The following FRMD5 variants were observed in gnomAD, a reference collection of about 807,000 sequenced individuals.
FRMD5 encodes FERM domain-containing protein 5.
A neutral mutation model predicts 69.0 loss-of-function variants in FRMD5; 20 were observed. The observed-to-expected ratio is 0.29, with a 90% CI of 0.20 to 0.42. The LOEUF (loss-of-function observed/expected upper bound fraction) is 0.42. Ranked by LOEUF, FRMD5 falls within the 10% of genes least tolerant of loss-of-function variation. The probability of loss-of-function intolerance (pLI) is 1.00; values close to 1 mark genes in which losing one functional copy is unlikely to be tolerated. For missense variants in FRMD5, 595 were observed against 708.6 expected (o/e 0.84, Z 1.82); for synonymous variants, 271 against 260.1 (o/e 1.04, Z -0.40).
rs114389527 is a variant in FRMD5 at position 44,181,310 on chromosome 15, T to A, written c.102+13643A>T. ...CTTCCCGCCTCAGCCTCCCAAAGTG[T>A]TGGAGGCATGAGCTACTGTGCCCAT... On this transcript the variant is annotated intron_variant, in intron 1 of 13. Transcript: ENST00000417257. 5.7e-3 allele frequency among the ~76,000 whole-genome samples: 862 copies of A among 152,070 alleles called. 5 individuals carry two copies. The highest frequency in any genetic ancestry group is 0.02 in the African/African-American group (832 of 41,494).
At chr15:44,017,210 C>G (rs1393979829) in intron 1 of FRMD5, among the ~76,000 whole-genome samples, 1 of 151,784 alleles carries the variant, frequency 6.6e-6, no homozygotes, top group Admixed American at 6.6e-5. Context: ...TGGTGGTGGG[C>G]GCCTGTAGTC....
At chr15:44,169,118 A>T (rs1284904097) in intron 1 of FRMD5, among the ~76,000 whole-genome samples, 1 of 152,204 alleles carries the variant, frequency 6.6e-6, no homozygotes, top group Non-Finnish European at 1.5e-5. Flanking sequence ...CTAATAAAAT[A>T]CTTACTTTTG....
chr15:43,968,424 C>A (rs1428920918), intron 1 of FRMD5, among the ~76,000 whole-genome samples: 1 of 152,146 alleles, frequency 6.6e-6, no homozygotes, highest in Admixed American at 6.5e-5. Flanking sequence ...AGTTGAAGAG[C>A]AAAATAATTG....
chr15:44,084,032 A>T (rs1566937469), intron 1 of FRMD5, among the ~76,000 whole-genome samples: 1 of 152,044 alleles, frequency 6.6e-6, no homozygotes, highest in Non-Finnish European at 1.5e-5. Flanking sequence ...TTTTTATCTT[A>T]ATTATTAAAA....
At chr15:43,992,400 A>G (rs1357020235) in intron 1 of FRMD5, among the ~76,000 whole-genome samples, 4 of 146,026 alleles carry the variant, frequency 2.7e-5, no homozygotes, top group African/African-American at 1.0e-4. Context: ...TTTTTTTGAG[A>G]TGGAGTCTTG....
chr15:44,076,328 G>A (rs936315525), intron 1 of FRMD5, among the ~76,000 whole-genome samples: 2 of 150,932 alleles, frequency 1.3e-5, no homozygotes, highest in Non-Finnish European at 2.9e-5. Context: ...GCACACGTAT[G>A]TTTATTGTGG....
intron 1 of FRMD5, among the ~76,000 whole-genome samples, chr15:43,977,523 G>A (rs533627592): frequency 1.1e-4 from 17 of 152,188 alleles, no homozygotes; most frequent in African/African-American, 3.1e-4. Context: ...GATGTGTTCC[G>A]TTATGGTGGT....
chr15:44,155,096 CAT>C (rs1249586031), intron 1 of FRMD5, among the ~76,000 whole-genome samples: 2 of 152,070 alleles, frequency 1.3e-5, no homozygotes, highest in South Asian at 4.1e-4. Context: ...TGGATAATAA[CAT>C]GTGTTGGTGA....
At chr15:44,065,839 T>A (rs747922678) in intron 1 of FRMD5, among the ~76,000 whole-genome samples, 1 of 152,206 alleles carries the variant, frequency 6.6e-6, no homozygotes, top group Non-Finnish European at 1.5e-5. Flanking sequence ...ATCTCCATAA[T>A]TGGGAGATGA....
At chr15:44,020,865 C>A (rs1298501595) in intron 1 of FRMD5, among the ~76,000 whole-genome samples, 3 of 152,152 alleles carry the variant, frequency 2.0e-5, no homozygotes, top group African/African-American at 7.2e-5. Flanking sequence ...AATCACTGAA[C>A]TCAGAGTTGG....
intron 1 of FRMD5, among the ~76,000 whole-genome samples, chr15:43,946,908 A>G (rs566352264): frequency 6.6e-6 from 1 of 152,342 alleles, no homozygotes; most frequent in Admixed American, 6.5e-5. Flanking sequence ...ATACTTTGGA[A>G]GTCTGGTAGG....
At chr15:44,133,993 A>G (rs985114624) in intron 1 of FRMD5, among the ~76,000 whole-genome samples, 6 of 152,212 alleles carry the variant, frequency 3.9e-5, no homozygotes, top group African/African-American at 1.4e-4. Context: ...AAGGGAGAGA[A>G]CTCTAAATAA....
intron 1 of FRMD5, among the ~76,000 whole-genome samples, chr15:44,117,030 G>A (rs1010238168): frequency 2.0e-5 from 3 of 151,846 alleles, no homozygotes; most frequent in Admixed American, 6.6e-5. Flanking sequence ...ACTTGAACCC[G>A]GGAGGCAGAG....
chr15:44,048,718 G>A (rs1310154358), intron 1 of FRMD5, among the ~76,000 whole-genome samples: 3 of 152,042 alleles, frequency 2.0e-5, no homozygotes, highest in African/African-American at 7.2e-5. Flanking sequence ...GACTACAGGT[G>A]CTCACTACCA....
chr15:43,919,447 T>A lies in FRMD5; in HGVS notation c.329+12A>T, dbSNP rs1334334833. 1.2e-6 allele frequency: 2 copies of A among 1,612,814 alleles called. No individual in the cohort carries two copies. Among genetic ancestry groups the A allele is most frequent in the Non-Finnish European group, 1.7e-6 (2 of 1,178,852 alleles). ...CAGGTCCTAATGGCTGCGGGAAGCA[T>A]GTTCACCTCACCTGGTTATTTCTTC... On this transcript the variant is annotated intron_variant, in intron 4 of 13. Coordinates refer to ENST00000417257, the MANE Select transcript of FRMD5 (RefSeq NM_032892.5).
At chr15:43,973,319 G>A (rs1012138850) in intron 1 of FRMD5, among the ~76,000 whole-genome samples, 2 of 151,224 alleles carry the variant, frequency 1.3e-5, no homozygotes, top group Non-Finnish European at 2.9e-5. Context: ...ACCGCACCTG[G>A]CCGATTTTGG....
intron 1 of FRMD5, among the ~76,000 whole-genome samples, chr15:43,950,429 G>A (rs886833835): frequency 6.6e-6 from 1 of 152,164 alleles, no homozygotes; most frequent in Non-Finnish European, 1.5e-5. Flanking sequence ...CTTAAACTAC[G>A]ATAGACTGAA....
chr15:44,198,731 A>T (rs979072766), upstream of FRMD5, among the ~76,000 whole-genome samples: 10 of 152,184 alleles, frequency 6.6e-5, no homozygotes, highest in African/African-American at 2.4e-4. Flanking sequence ...AAACAGAAAT[A>T]TTTTGTTTAT....
chr15:44,195,340 G>C, upstream of FRMD5: 1 of 467,866 alleles, frequency 2.1e-6, no homozygotes, highest in East Asian at 4.2e-5. Context: ...GGGCCAATGG[G>C]GGTCAGCGCG....
Sources: gnomAD v4.1 joint callset for allele counts (sites outside exome capture counted in the v4.1 genomes callset) on GRCh38, gnomAD v4.1.1 for gene constraint, MANE v1.5 for transcripts, NCBI Gene and HGNC (gene_info 2026-07-23, HGNC 2026-07-21) for gene names.